The following ZNF701 variants were observed in gnomAD, a reference collection of about 807,000 sequenced individuals.
ZNF701 encodes zinc finger protein 701.
In ZNF701, 6 loss-of-function variants were observed where a neutral mutation model predicts 7.1. That is an observed-to-expected ratio of 0.84 (90% CI 0.46 to 1.66). ZNF701 has a LOEUF of 1.66. ZNF701 is among the 40% of genes most tolerant of loss of function. The pLI is 0.01. For missense variants in ZNF701, 541 were observed against 559.2 expected (o/e 0.97, Z 0.33); for synonymous variants, 166 against 188.2 (o/e 0.88, Z 0.97).
chr19:52,591,676 C>A (rs1175719656), downstream of ZNF701, among the ~76,000 whole-genome samples: 2 of 152,008 alleles, frequency 1.3e-5, no homozygotes, highest in African/African-American at 2.4e-5. Flanking sequence ...CCTGCCTCAG[C>A]CTTCAAGTAG....
intron 1 of ZNF701, 95 bp from the exon 2 acceptor site, chr19:52,573,982 T>A (rs544506304): frequency 7.5e-7 from 1 of 1,326,352 alleles, no homozygotes; most frequent in Non-Finnish European, 1.0e-6. Context: ...GTGACCATAT[T>A]TTTTCAGAGT....
chr19:52,584,651 G>A lies in ZNF701; in HGVS notation c.*1194G>A, dbSNP rs1392730434. The A allele has an allele frequency of 6.6e-6, 1 of 152,048 alleles. No homozygotes were observed. Among genetic ancestry groups the A allele is most frequent in the Non-Finnish European group, 1.5e-5 (1 of 68,002 alleles). 9.4% of individuals were successfully genotyped at this position (152,048 alleles called of 1,614,324 possible). A position where few individuals can be genotyped will look rare whatever the true frequency, so the allele number is the denominator to read the frequency against. On this transcript the variant is annotated 3_prime_UTR_variant, in exon 4 of 4. Transcript: ENST00000391785. ...GGTGTGAAATTCTCAGTTTTTTTAT[G>A]TTTATTCCTAAGTATTTCTTACTTT...
rs556461638 is a variant in ZNF701 at position 52,582,285 on chromosome 19, A to C, written c.226A>C (p.Ile76Leu). ...AGTGGTCCACACAGGGACATTGCAAATACATGCAAGTCATCACATTGGAGA... is the reference window on the plus strand; with the variant it reads ...AGTGGTCCACACAGGGACATTGCAACTACATGCAAGTCATCACATTGGAGA... ...TEVVHTGTLQ[I>L]HASHHIGDTC... Residue 76 changes from isoleucine (I) to leucine (L), a missense_variant, in exon 4 of 4, where the codon ATA becomes CTA. Ile to Leu is a conservative substitution (Grantham distance 5). Transcript: ENST00000391785. The C allele has an allele frequency of 8.1e-6, 13 of 1,613,702 alleles. No individual in the cohort carries two copies. The South Asian group carries it at 1.3e-4, about 16-fold the overall frequency.
downstream of ZNF701, among the ~76,000 whole-genome samples, chr19:52,591,129 C>T (rs557702224): frequency 3.7e-4 from 57 of 152,110 alleles, no homozygotes; most frequent in South Asian, 2.9e-3. Context: ...TGAGCCACCA[C>T]GCCTGGCCAA....
chr19:52,578,843 C>T (rs930885561), intron 3 of ZNF701, among the ~76,000 whole-genome samples: 38 of 152,178 alleles, frequency 2.5e-4, no homozygotes, highest in Admixed American at 1.9e-3. Context: ...CTGCAAGCTC[C>T]ACCTCCCGGG....
In ZNF701 at chr19:52,585,082, T is replaced by TG. The variant is rs2060000955; in HGVS notation, c.*1628dup. The TG allele has an allele frequency of 6.6e-6, 1 of 151,788 alleles. No homozygotes were observed. Among genetic ancestry groups the TG allele is most frequent in the Non-Finnish European group, 1.5e-5 (1 of 67,882 alleles). The allele number at this position is 151,788 out of a possible 1,614,324, so 9.4% of individuals were successfully genotyped here. ...CTCAGAGCAAATTGAGACGTCCGGG[T>TG]GGGAGTCCGTGAGTCTTTTCCTTTT... is the stretch of plus-strand genomic sequence containing the variant. On this transcript the variant is annotated 3_prime_UTR_variant, in exon 4 of 4. Transcript: ENST00000391785.
downstream of ZNF701, chr19:52,591,982 C>A: frequency 1.9e-6 from 1 of 518,374 alleles, no homozygotes. Context: ...TACCTTAATG[C>A]GGCTTTGTCA....
intron 1 of ZNF701, among the ~76,000 whole-genome samples, chr19:52,571,548 C>T (rs1032718161): frequency 3.9e-5 from 6 of 152,002 alleles, no homozygotes; most frequent in Admixed American, 2.6e-4. Flanking sequence ...TTAGTAGAGA[C>T]GGGGTTTCAC....
At chr19:52,587,598 G>A (rs1027075667), downstream of ZNF701, among the ~76,000 whole-genome samples, 7 of 152,142 alleles carry the variant, frequency 4.6e-5, no homozygotes, top group African/African-American at 1.4e-4. Flanking sequence ...GGTCCATGTT[G>A]CCTGTTCTGT....
At chr19:52,592,314 G>A in the ZNF701 span, 1 of 1,331,146 alleles carries the variant, frequency 7.5e-7, no homozygotes, top group Non-Finnish European at 1.0e-6. Context: ...TTGTGATGTT[G>A]CCCCATACAT....
At chr19:52,590,684 C>A (rs1053601833), downstream of ZNF701, among the ~76,000 whole-genome samples, 3 of 152,106 alleles carry the variant, frequency 2.0e-5, no homozygotes, top group Non-Finnish European at 4.4e-5. Context: ...CCTCTGCTCT[C>A]CAGGCTCAAG....
At chr19:52,588,198 T>C (rs1176173716), downstream of ZNF701, among the ~76,000 whole-genome samples, 1 of 142,980 alleles carries the variant, frequency 7.0e-6, no homozygotes, top group African/African-American at 2.5e-5. Flanking sequence ...TTCTAAACAC[T>C]AAATCTCAGC....
chr19:52,595,132 C>T, the ZNF701 span, among the ~76,000 whole-genome samples: 2 of 152,208 alleles, frequency 1.3e-5, no homozygotes, highest in South Asian at 2.1e-4. Flanking sequence ...CAGCCGCCCA[C>T]CACCATGCCT....
downstream of ZNF701, chr19:52,588,493 A>G: frequency 7.7e-6 from 2 of 258,834 alleles, no homozygotes; most frequent in East Asian, 1.1e-4. Flanking sequence ...TCAAAAAAAA[A>G]AAAAAGAAAA....
At position 52,571,785 on chromosome 19, in the gene ZNF701, G is replaced by A. The variant is rs556160208; in HGVS notation, c.-72+1455G>A. ...ATGCACTTTCGCTCTTGTTGCCCAGGCTGGAGTGCAATGGTGTGATCTTGG... is the reference window on the plus strand; with the variant it reads ...ATGCACTTTCGCTCTTGTTGCCCAGACTGGAGTGCAATGGTGTGATCTTGG... On this transcript the variant is annotated intron_variant, in intron 1 of 3. Coordinates refer to ENST00000391785, the MANE Select transcript of ZNF701 (RefSeq NM_018260.3). Among the ~76,000 whole-genome samples, 45 of 151,792 alleles carry A rather than the reference G, an allele frequency of 3.0e-4. No individual in the cohort carries two copies. In the South Asian group the frequency reaches 9.0e-3, roughly 30 times the overall value.
At chr19:52,591,893 A>T (rs2060038365), downstream of ZNF701, 2 of 322,922 alleles carry the variant, frequency 6.2e-6, no homozygotes, top group Non-Finnish European at 1.1e-5. Flanking sequence ...TGAGACTTCC[A>T]CAGTGACTTA....
Position 52,583,373 on chromosome 19 carries a change from C to G in ZNF701, c.1314C>G (p.Tyr438Ter), listed in dbSNP as rs1291501805. 3 of 1,613,450 alleles carry G rather than the reference C, an allele frequency of 1.9e-6. No homozygotes were observed. Among genetic ancestry groups the G allele is most frequent in the African/African-American group, 1.3e-5 (1 of 74,990 alleles). ...GACTTCATACTGGAGAGAAACCTTA[C>G]AAGTGTAATGAATGTGGCAAGGTTT... ...HRRLHTGEKP[Y>*]KCNECGKVFN... The change falls in exon 4 of 4, where the codon TAC (tyrosine) becomes TAG (stop). Residue 438 changes from tyrosine to a stop codon, truncating the protein, a stop_gained. Coordinates refer to ENST00000391785, the MANE Select transcript of ZNF701 (RefSeq NM_018260.3). LOFTEE classifies it low-confidence loss of function (END_TRUNC).
chr19:52,592,235 A>G, the ZNF701 span: 3 of 1,572,994 alleles, frequency 1.9e-6, no homozygotes, highest in African/African-American at 4.0e-5. Context: ...GTGGGTGAGG[A>G]AAATATCCCT....
intron 1 of ZNF701, chr19:52,572,600 C>T (rs2059908189): frequency 2.8e-6 from 1 of 352,548 alleles, no homozygotes; most frequent in Admixed American, 4.1e-5. Flanking sequence ...TCTTTTCACT[C>T]ATCTCAGACC....
Sources: allele counts gnomAD v4.1 joint callset (sites outside exome capture counted in the v4.1 genomes callset), GRCh38; gene constraint gnomAD v4.1.1; transcripts MANE v1.5; gene names NCBI Gene and HGNC (gene_info 2026-07-23, HGNC 2026-07-21).